The following CBX5 variants were observed in gnomAD, a reference collection of about 807,000 sequenced individuals.
CBX5 encodes chromobox protein homolog 5.
In CBX5, 7 loss-of-function variants were observed where a neutral mutation model predicts 20.7. The observed-to-expected ratio is 0.34, with a 90% CI of 0.19 to 0.63. The LOEUF is 0.63. Ranked by LOEUF, CBX5 falls within the 30% of genes least tolerant of loss-of-function variation. The probability of loss-of-function intolerance (pLI) is 0.75; values close to 1 mark genes in which losing one functional copy is unlikely to be tolerated. For synonymous variants in CBX5, 78 were observed against 77.0 expected, an observed-to-expected ratio of 1.01 and a Z score of -0.07; for missense variants, 110 against 224.1, an observed-to-expected ratio of 0.49 and a Z score of 3.25.
chr12:54,235,966 CAGG>C lies in CBX5; in HGVS notation c.*5786_*5788del, dbSNP rs1943617140. On this transcript the variant is annotated 3_prime_UTR_variant, in exon 5 of 5. Transcript: ENST00000209875. ...AAGAATCTAAACCAGGGATGAAAAT[CAGG>C]AGTTCTCAATCCCAACTCACCTGTT... 6.6e-6 allele frequency: 1 copy of C among 152,204 alleles called. No individual in the cohort carries two copies. Among genetic ancestry groups the C allele is most frequent in the Non-Finnish European group, 1.5e-5 (1 of 68,040 alleles). 9.4% of individuals were successfully genotyped at this position (152,204 alleles called of 1,614,324 possible).
chr12:54,252,929 G>A (rs913906281), intron 2 of CBX5, among the ~76,000 whole-genome samples: 8 of 146,732 alleles, frequency 5.5e-5, no homozygotes, highest in Non-Finnish European at 1.2e-4. Flanking sequence ...AGGTTGCAGT[G>A]AGCTGAGATT....
intron 1 of CBX5, among the ~76,000 whole-genome samples, chr12:54,274,974 A>G (rs1250928454): frequency 2.0e-5 from 3 of 152,066 alleles, no homozygotes; most frequent in African/African-American, 7.2e-5. Flanking sequence ...ACAAAAAGCG[A>G]CTTAGTCTTC....
intron 4 of CBX5, 66 bp downstream of exon 4, chr12:54,246,047 ATC>A (rs2137012412): frequency 3.8e-6 from 4 of 1,046,454 alleles, no homozygotes; most frequent in Non-Finnish European, 6.0e-6. Flanking sequence ...TTGCCACCCT[ATC>A]TTCCACACAA....
intron 4 of CBX5, among the ~76,000 whole-genome samples, chr12:54,243,751 C>A (rs1943703433): frequency 6.6e-6 from 1 of 151,722 alleles, no homozygotes; most frequent in African/African-American, 2.4e-5. Context: ...TGCCTATAAT[C>A]CCAGCTACTT....
At chr12:54,261,206 G>C (rs1239411926) in intron 1 of CBX5, among the ~76,000 whole-genome samples, 1 of 147,048 alleles carries the variant, frequency 6.8e-6, no homozygotes, top group Non-Finnish European at 1.5e-5. Flanking sequence ...AAAAAAAAAA[G>C]AACTCAGTTG....
chr12:54,241,821 C>T lies in CBX5; in HGVS notation c.510G>A (p.Glu170=). ...CAGGATATGCATGCCATGTCAGTCT[C>T]TCTTCATAAAATGCTATCACAATTT... ...CPQIVIAFYE[E]RLTWHAYPED... is the part of the protein sequence containing the mutation. Residue 170 remains glutamate, a synonymous_variant, in exon 5 of 5, where the codon GAG becomes GAA. Coordinates refer to ENST00000209875, the MANE Select transcript of CBX5 (RefSeq NM_012117.3). 2 of 1,613,904 alleles carry T rather than the reference C, an allele frequency of 1.2e-6. No homozygotes were observed. The highest frequency in any genetic ancestry group is 1.7e-6 in the Non-Finnish European group (2 of 1,179,954).
chr12:54,252,978 T>TC (rs1943822607), intron 2 of CBX5, among the ~76,000 whole-genome samples: 2 of 78,508 alleles, frequency 2.5e-5, no homozygotes, highest in South Asian at 7.8e-4. Flanking sequence ...AGACTCTGTC[T>TC]CAAAAAAAAA....
chr12:54,274,944 A>G (rs1425266693), intron 1 of CBX5, among the ~76,000 whole-genome samples: 2 of 152,178 alleles, frequency 1.3e-5, no homozygotes, highest in African/African-American at 4.8e-5. Flanking sequence ...TGTCTCAAAA[A>G]CAAACAAATC....
intron 4 of CBX5, among the ~76,000 whole-genome samples, chr12:54,244,096 G>T (rs1278095582): frequency 6.6e-6 from 1 of 151,298 alleles, no homozygotes; most frequent in Non-Finnish European, 1.5e-5. Context: ...CCGCCTCCCG[G>T]GTTCACACCA....
intron 2 of CBX5, among the ~76,000 whole-genome samples, chr12:54,253,037 T>C (rs1298899115): frequency 7.7e-6 from 1 of 129,856 alleles, no homozygotes; most frequent in Non-Finnish European, 1.6e-5. Context: ...AGGGAGGGAG[T>C]TGTAATTAAC....
At position 54,267,290 on chromosome 12, in the gene CBX5, G is replaced by A. The variant is rs73321069; in HGVS notation, c.-42-9598C>T. 2.1e-3 allele frequency among the ~76,000 whole-genome samples: 323 copies of A among 152,258 alleles called. 3 individuals carry two copies. Among genetic ancestry groups the A allele is most frequent in the African/African-American group, 7.5e-3 (312 of 41,544 alleles). ...TGGCAGATCATGTTCACAAAATATG[G>A]AAGGATTAAAAGAATACTGAAAACA... On this transcript the variant is annotated intron_variant, in intron 1 of 4. Transcript: ENST00000209875.
chr12:54,252,868 C>G (rs1023171735), intron 2 of CBX5, among the ~76,000 whole-genome samples: 2 of 151,330 alleles, frequency 1.3e-5, no homozygotes, highest in Non-Finnish European at 2.9e-5. Flanking sequence ...ATCTGTAGTC[C>G]CAGCTACTCG....
At chr12:54,250,682 G>A (rs1485978010) in intron 3 of CBX5, among the ~76,000 whole-genome samples, 1 of 149,364 alleles carries the variant, frequency 6.7e-6, no homozygotes, top group Non-Finnish European at 1.5e-5. Flanking sequence ...GCGGGCGCCT[G>A]TAGTCCCAGC....
chr12:54,271,293 T>C (rs558856055), intron 1 of CBX5, among the ~76,000 whole-genome samples: 2 of 152,276 alleles, frequency 1.3e-5, no homozygotes, highest in South Asian at 4.1e-4. Context: ...GCACTGAAAT[T>C]TCCAAATATA....
chr12:54,234,234 G>C lies in CBX5; in HGVS notation c.*7521C>G, dbSNP rs1592150823. ...TTCAATATGGATACTCTAGGTACAG[G>C]AACCATTCCAAGACCTAAATAGATT... On this transcript the variant is annotated 3_prime_UTR_variant, in exon 5 of 5. Transcript: ENST00000209875. 6.9e-6 allele frequency: 1 copy of C among 144,532 alleles called. No homozygotes were observed. Among genetic ancestry groups the C allele is most frequent in the Non-Finnish European group, 1.5e-5 (1 of 66,480 alleles). The allele number at this position is 144,532 out of a possible 1,614,324, so 9.0% of individuals were successfully genotyped here. A position where few individuals can be genotyped will look rare whatever the true frequency, so the allele number is the denominator to read the frequency against.
In CBX5 at chr12:54,233,741, G is replaced by A. The variant is rs772585832; in HGVS notation, c.*8014C>T. 2.6e-5 allele frequency: 4 copies of A among 151,900 alleles called. No homozygotes were observed. Among genetic ancestry groups the A allele is most frequent in the Non-Finnish European group, 5.9e-5 (4 of 68,030 alleles). The allele number at this position is 151,900 out of a possible 1,614,324, so 9.4% of individuals were successfully genotyped here. ...AGCTCACGAGTTGGAGACCAGCCTG[G>A]GCAACACAGGGAGACTGTCTCTACA... is the stretch of plus-strand genomic sequence containing the variant. On this transcript the variant is annotated 3_prime_UTR_variant, in exon 5 of 5. Transcript: ENST00000209875.
intron 1 of CBX5, among the ~76,000 whole-genome samples, chr12:54,279,439 G>GAA (rs1217008007): frequency 6.6e-6 from 1 of 152,144 alleles, no homozygotes; most frequent in Non-Finnish European, 1.5e-5. Flanking sequence ...CTTCGTTAGA[G>GAA]AAGTCATCGT....
intron 4 of CBX5, 93 bp downstream of exon 4, chr12:54,246,022 T>C (rs1301515937): frequency 1.2e-6 from 1 of 835,062 alleles, no homozygotes; most frequent in Non-Finnish European, 2.1e-6. Flanking sequence ...ATTCATGGTT[T>C]GGGAATATGC....
chr12:54,274,212 A>G (rs1435448239), intron 1 of CBX5: 1 of 152,236 alleles, frequency 6.6e-6, no homozygotes, highest in African/African-American at 2.4e-5. Context: ...TGTCATCAGA[A>G]ATGAATATGT....
Sources: allele counts gnomAD v4.1 joint callset (sites outside exome capture counted in the v4.1 genomes callset), GRCh38; gene constraint gnomAD v4.1.1; transcripts MANE v1.5; gene names NCBI Gene and HGNC (gene_info 2026-07-23, HGNC 2026-07-21).